Variants in PPP1R12B observed in about 807,000 individuals in gnomAD.
The protein encoded by PPP1R12B is myosin phosphatase target subunit 2.
Under a neutral mutation model 126.1 loss-of-function variants are expected in PPP1R12B, and 76 were observed. The observed-to-expected ratio is 0.60, with a 90% CI of 0.50 to 0.73. The LOEUF is 0.73. Among genes scored for constraint, PPP1R12B ranks in the 30% least tolerant of loss-of-function variants. The pLI is 0.00. For synonymous variants in PPP1R12B, 356 were observed against 434.7 expected, an observed-to-expected ratio of 0.82 and a Z score of 2.25; for missense variants, 1,052 against 1,205.1, an observed-to-expected ratio of 0.87 and a Z score of 1.88.
rs766412081 is a variant in PPP1R12B, at chr1:202,434,621, C to G, written c.1142-35C>G. ...TAGACACAAAGATAAGATTTTTATA[C>G]TAGTACTTGTTAATTCTCTTGTCTT... On this transcript the variant is annotated intron_variant, in intron 8 of 23. Coordinates refer to ENST00000608999, the MANE Select transcript of PPP1R12B (RefSeq NM_002481.4). The G allele has an allele frequency of 5.0e-6, 8 of 1,589,462 alleles. No individual in the cohort carries two copies. The South Asian group carries it at 9.3e-5, about 19-fold the overall frequency.
chr1:202,393,384 GA>G (rs1441803746), intron 1 of PPP1R12B, among the ~76,000 whole-genome samples: 1 of 150,952 alleles, frequency 6.6e-6, no homozygotes, highest in Non-Finnish European at 1.5e-5. Flanking sequence ...AACGCAAATC[GA>G]AACAGTGTTT....
At chr1:202,575,866 C>T (rs563594581) in intron 23 of PPP1R12B, 2 of 152,182 alleles carry the variant, frequency 1.3e-5, no homozygotes, top group Admixed American at 6.5e-5. Flanking sequence ...ACAACATTAC[C>T]GATGGAGAGG....
intron 20 of PPP1R12B, 125 bp downstream of exon 20, chr1:202,563,047 A>C: frequency 9.0e-7 from 1 of 1,112,304 alleles, no homozygotes; most frequent in Non-Finnish European, 1.2e-6. Flanking sequence ...AAGTAATAAT[A>C]ATTCCTTGCA....
intron 1 of PPP1R12B, among the ~76,000 whole-genome samples, chr1:202,389,178 G>A (rs1364316992): frequency 6.6e-6 from 1 of 152,116 alleles, no homozygotes; most frequent in Non-Finnish European, 1.5e-5. Flanking sequence ...TTATAACTAG[G>A]AAGCAAGGAA....
At chr1:202,444,279 T>G (rs531914467) in intron 12 of PPP1R12B, among the ~76,000 whole-genome samples, 93 of 152,288 alleles carry the variant, frequency 6.1e-4, no homozygotes, top group African/African-American at 2.0e-3. Context: ...CTTTATAGCT[T>G]TTTTTGGTTA....
At chr1:202,484,385 C>G (rs1320185541) in intron 13 of PPP1R12B, among the ~76,000 whole-genome samples, 1 of 152,190 alleles carries the variant, frequency 6.6e-6, no homozygotes, top group Non-Finnish European at 1.5e-5. Flanking sequence ...TTAAAATACT[C>G]TAGACTTCTC....
At chr1:202,360,871 T>C (rs1211215612) in intron 1 of PPP1R12B, among the ~76,000 whole-genome samples, 1 of 149,380 alleles carries the variant, frequency 6.7e-6, no homozygotes, top group Non-Finnish European at 1.5e-5. Flanking sequence ...CTACTGTCAT[T>C]TCATATCTTT....
rs764971866 is a variant in PPP1R12B at position 202,382,875 on chromosome 1, C to CA, written c.291+33747dup. ...TGGGGGACAGAGTAAGACTCTGTCT[C>CA]AAAAAAAAAAAAAAGGTTGACTGTG... On this transcript the variant is annotated intron_variant, in intron 1 of 23. Coordinates refer to ENST00000608999, the MANE Select transcript of PPP1R12B (RefSeq NM_002481.4). Among the ~76,000 whole-genome samples, 797 of 85,086 alleles carry CA rather than the reference C, an allele frequency of 9.4e-3. 3 individuals are homozygous for CA. The highest frequency in any genetic ancestry group is 0.028 in the African/African-American group (618 of 22,378). 55.8% of individuals were successfully genotyped at this position (85,086 alleles called of 152,430 possible).
At chr1:202,514,796 A>G (rs1489035554) in intron 18 of PPP1R12B, among the ~76,000 whole-genome samples, 2 of 152,190 alleles carry the variant, frequency 1.3e-5, no homozygotes, top group South Asian at 2.1e-4. Context: ...TGCTGGGTAT[A>G]TACTCAGAGG....
chr1:202,454,936 A>G (rs1673431874), intron 13 of PPP1R12B, among the ~76,000 whole-genome samples: 1 of 151,870 alleles, frequency 6.6e-6, no homozygotes, highest in African/African-American at 2.4e-5. Flanking sequence ...AAAAAAAAAG[A>G]TTTCCCTTCT....
intron 18 of PPP1R12B, among the ~76,000 whole-genome samples, chr1:202,519,443 T>C (rs767411792): frequency 6.6e-6 from 1 of 151,908 alleles, no homozygotes; most frequent in Non-Finnish European, 1.5e-5. Context: ...TTTTTTTTTC[T>C]GTATTTTTAG....
chr1:202,411,253 A>G (rs539985615), intron 1 of PPP1R12B, among the ~76,000 whole-genome samples: 6 of 142,282 alleles, frequency 4.2e-5, no homozygotes, highest in East Asian at 2.2e-4. Flanking sequence ...CTTTAGTCAT[A>G]TTCCTTCTTC....
intron 2 of PPP1R12B, among the ~76,000 whole-genome samples, chr1:202,418,747 TAGAC>T (rs1437418212): frequency 6.6e-6 from 1 of 152,172 alleles, no homozygotes; most frequent in Non-Finnish European, 1.5e-5. Flanking sequence ...ATATCATTAT[TAGAC>T]AGGTTTTGAC....
At chr1:202,410,383 A>G (rs1667233918) in intron 1 of PPP1R12B, among the ~76,000 whole-genome samples, 1 of 152,394 alleles carries the variant, frequency 6.6e-6, no homozygotes, top group Non-Finnish European at 1.5e-5. Context: ...AGCTTCTAAC[A>G]TATGCCCAGA....
At chr1:202,553,667 T>C (rs1413716049) in intron 18 of PPP1R12B, among the ~76,000 whole-genome samples, 5 of 151,954 alleles carry the variant, frequency 3.3e-5, no homozygotes, top group Non-Finnish European at 7.4e-5. Flanking sequence ...ATAAGATGAG[T>C]CCGCATTCCT....
At chr1:202,578,207 A>G (rs1689265435) in intron 23 of PPP1R12B, among the ~76,000 whole-genome samples, 1 of 152,240 alleles carries the variant, frequency 6.6e-6, no homozygotes, top group South Asian at 2.1e-4. Flanking sequence ...GTGGAAATAA[A>G]TCACTAAAAC....
At chr1:202,364,193 G>A (rs1658731687) in intron 1 of PPP1R12B, among the ~76,000 whole-genome samples, 1 of 152,004 alleles carries the variant, frequency 6.6e-6, no homozygotes. Flanking sequence ...TTCTGTCTAT[G>A]GAAATGTAGT....
chr1:202,562,479 C>A, intron 19 of PPP1R12B: 1 of 417,804 alleles, frequency 2.4e-6, no homozygotes. Context: ...GCTGTTCAAT[C>A]CTAAACTAAT....
At chr1:202,480,512 AT>A (rs1295448411) in intron 13 of PPP1R12B, among the ~76,000 whole-genome samples, 2 of 152,180 alleles carry the variant, frequency 1.3e-5, no homozygotes, top group Non-Finnish European at 2.9e-5. Flanking sequence ...CACCTGAGTA[AT>A]TTGGCAGACA....
Sources: allele counts gnomAD v4.1 joint callset (sites outside exome capture counted in the v4.1 genomes callset), GRCh38; gene constraint gnomAD v4.1.1; transcripts MANE v1.5; gene names NCBI Gene and HGNC (gene_info 2026-07-23, HGNC 2026-07-21).